SCAPER: variants seen among roughly 807,000 people sequenced by gnomAD.
SCAPER encodes the protein S-phase cyclin A associated protein in the ER, also known as S phase cyclin A-associated protein in the endoplasmic reticulum.
SCAPER carries 98 observed loss-of-function variants against 182.2 expected under a neutral mutation model. The ratio of observed to expected loss-of-function variants is 0.54; its 90% CI spans 0.46 to 0.64. The LOEUF (loss-of-function observed/expected upper bound fraction) is 0.64, where lower values mean the gene tolerates loss of function less well. Ranked by LOEUF, SCAPER falls within the 30% of genes least tolerant of loss-of-function variation. The pLI is 0.00. For synonymous variants in SCAPER, 605 were observed against 564.6 expected, an observed-to-expected ratio of 1.07 and a Z score of -1.01; for missense variants, 1,432 against 1,690.0, an observed-to-expected ratio of 0.85 and a Z score of 2.68.
intron 5 of SCAPER, among the ~76,000 whole-genome samples, chr15:76,820,165 G>A (rs2067419025): frequency 6.6e-6 from 1 of 152,162 alleles, no homozygotes; most frequent in Non-Finnish European, 1.5e-5. Context: ...TTCAACCATT[G>A]TGGAAGTCGG....
chr15:76,492,264 A>G (rs1221713107), intron 24 of SCAPER, among the ~76,000 whole-genome samples: 1 of 152,228 alleles, frequency 6.6e-6, no homozygotes, highest in African/African-American at 2.4e-5. Context: ...GAGCAAAACC[A>G]GATCTCATTT....
rs547383214 is a variant in SCAPER at position 76,472,194 on chromosome 15, C to T, written c.2955-859G>A. 150 of 503,784 alleles carry T rather than the reference C, an allele frequency of 3.0e-4. 1 individual carries two copies. The highest frequency in any genetic ancestry group is 1.6e-3 in the South Asian group (100 of 63,786). The allele number at this position is 503,784 out of a possible 1,614,324, so 31.2% of individuals were successfully genotyped here. A position where few individuals can be genotyped will look rare whatever the true frequency, so the allele number is the denominator to read the frequency against. On this transcript the variant is annotated intron_variant, in intron 24 of 31. Transcript: ENST00000563290. ...CGTAAGGTTGTCTGCTTAACCTGCT[C>T]CTCCAAAGCCAGAGCCCAACCCTAA...
At chr15:76,782,919 A>C (rs1042360229) in intron 8 of SCAPER, among the ~76,000 whole-genome samples, 2 of 152,214 alleles carry the variant, frequency 1.3e-5, no homozygotes, top group Non-Finnish European at 2.9e-5. Context: ...AATGCCCACA[A>C]GAGAAAGCAG....
rs367888871 is a variant in SCAPER at position 76,834,650 on chromosome 15, TAGAC to T, written c.393+7080_393+7083del. On this transcript the variant is annotated intron_variant, in intron 5 of 31. Transcript: ENST00000563290. ...CTTAGAAAAAAATAAACAAAGTTGA[TAGAC>T]AGCTAGGTAGATTAATAAAGAAAAA... Among the ~76,000 whole-genome samples, 377 of 152,190 alleles carry T rather than the reference TAGAC, an allele frequency of 2.5e-3. 22 individuals are homozygous for T. The South Asian group carries it at 0.072, about 29-fold the overall frequency.
At chr15:76,372,355 T>C (rs2042240049) in intron 29 of SCAPER, among the ~76,000 whole-genome samples, 1 of 152,168 alleles carries the variant, frequency 6.6e-6, no homozygotes, top group Non-Finnish European at 1.5e-5. Context: ...CTGCTTTTTT[T>C]CCCCATCCCA....
intron 1 of SCAPER, among the ~76,000 whole-genome samples, chr15:76,898,897 G>C (rs1595956922): frequency 6.6e-6 from 1 of 152,016 alleles, no homozygotes; most frequent in Admixed American, 6.5e-5. Context: ...ATTTTAAATG[G>C]GTGGATTTTA....
At chr15:76,564,427 A>T (rs531589610) in intron 23 of SCAPER, among the ~76,000 whole-genome samples, 11 of 152,274 alleles carry the variant, frequency 7.2e-5, no homozygotes, top group African/African-American at 2.4e-4. Flanking sequence ...CCACAAAAAG[A>T]ATAAAATACC....
intron 22 of SCAPER, among the ~76,000 whole-genome samples, chr15:76,616,539 T>C (rs916634094): frequency 2.0e-5 from 3 of 152,152 alleles, no homozygotes; most frequent in Admixed American, 6.5e-5. Flanking sequence ...GTTCTGGAGA[T>C]GGATGATGTA....
chr15:76,673,067 C>T (rs114507206), intron 20 of SCAPER, among the ~76,000 whole-genome samples: 38 of 152,156 alleles, frequency 2.5e-4, no homozygotes, highest in African/African-American at 9.2e-4. Context: ...ATGTATTTAG[C>T]ATTTTCAAGA....
chr15:76,774,121 C>T (rs1278869772), intron 9 of SCAPER, among the ~76,000 whole-genome samples: 1 of 151,884 alleles, frequency 6.6e-6, no homozygotes, highest in Non-Finnish European at 1.5e-5. Flanking sequence ...GGCACAAAGA[C>T]ATCACCTTAA....
chr15:76,493,013 G>A (rs532454266), intron 24 of SCAPER, among the ~76,000 whole-genome samples: 6 of 152,020 alleles, frequency 3.9e-5, no homozygotes, highest in South Asian at 2.1e-4. Flanking sequence ...CCTGTCTTGC[G>A]GCTCGTTCTT....
chr15:76,744,382 C>T (rs553998092), intron 15 of SCAPER, among the ~76,000 whole-genome samples: 2 of 151,994 alleles, frequency 1.3e-5, no homozygotes, highest in African/African-American at 4.8e-5. Context: ...TATTTGCAAA[C>T]AATGCATCTA....
At chr15:76,449,270 T>C (rs892294323) in intron 25 of SCAPER, among the ~76,000 whole-genome samples, 4 of 152,218 alleles carry the variant, frequency 2.6e-5, no homozygotes, top group Non-Finnish European at 5.9e-5. Context: ...CATATCTCCA[T>C]AACTGACATT....
intron 25 of SCAPER, among the ~76,000 whole-genome samples, chr15:76,469,711 C>T (rs1567204487): frequency 6.6e-6 from 1 of 152,092 alleles, no homozygotes; most frequent in African/African-American, 2.4e-5. Flanking sequence ...TCTATGTAGC[C>T]TTGGGCAAGT....
intron 17 of SCAPER, among the ~76,000 whole-genome samples, chr15:76,717,983 G>T (rs2059980628): frequency 6.6e-6 from 1 of 152,008 alleles, no homozygotes; most frequent in Non-Finnish European, 1.5e-5. Context: ...TTTTTTTCTA[G>T]TCCACATGGA....
At chr15:76,603,661 T>C (rs1427322183) in intron 22 of SCAPER, among the ~76,000 whole-genome samples, 2 of 121,434 alleles carry the variant, frequency 1.6e-5, no homozygotes, top group African/African-American at 5.0e-5. Flanking sequence ...TGTAAAAGTG[T>C]TCCTATTTCT....
At chr15:76,614,687 C>T (rs1274752323) in intron 22 of SCAPER, among the ~76,000 whole-genome samples, 2 of 152,100 alleles carry the variant, frequency 1.3e-5, no homozygotes, top group African/African-American at 2.4e-5. Context: ...CATTTATAAA[C>T]ATTTATATTT....
At chr15:76,500,479 C>T (rs1294432966) in intron 24 of SCAPER, among the ~76,000 whole-genome samples, 1 of 152,204 alleles carries the variant, frequency 6.6e-6, no homozygotes, top group African/African-American at 2.4e-5. Context: ...ACATCTACTG[C>T]TGCCTGGAAA....
intron 21 of SCAPER, among the ~76,000 whole-genome samples, chr15:76,649,112 G>A (rs563519044): frequency 3.2e-5 from 2 of 62,780 alleles, no homozygotes; most frequent in East Asian, 7.6e-4. Flanking sequence ...AGGAGAGAGA[G>A]CTGTTCTCCT....
Sources: allele counts gnomAD v4.1 joint callset (sites outside exome capture counted in the v4.1 genomes callset), GRCh38; gene constraint gnomAD v4.1.1; transcripts MANE v1.5; gene names NCBI Gene and HGNC (gene_info 2026-07-23, HGNC 2026-07-21).